Variants in KIF19 observed in about 807,000 individuals in gnomAD.
KIF19 encodes kinesin-like protein KIF19.
KIF19 carries 98 observed loss-of-function variants against 106.6 expected under a neutral mutation model. The ratio of observed to expected loss-of-function variants is 0.92; its 90% CI spans 0.78 to 1.09. KIF19 has a LOEUF of 1.09. KIF19 is among the 50% of genes least tolerant of loss of function. KIF19 has a pLI of 0.00. For missense variants in KIF19, 1,373 were observed against 1,414.3 expected, an observed-to-expected ratio of 0.97 and a Z score of 0.47; for synonymous variants, 516 against 584.2, an observed-to-expected ratio of 0.88 and a Z score of 1.68.
chr17:74,354,871 T>C lies in KIF19; in HGVS notation c.2796T>C (p.Pro932=). ...HRMPVCRHPA[P]GIRHLGKVTL... ...TGCCAGTGTGCAGGCACCCAGCCCC[T>C]GGTATCCGGCATCTGGGAAAGGTCA... The change falls in exon 19 of 20, where the codon CCT becomes CCC. Residue 932 remains proline (P), a synonymous_variant. Transcript: ENST00000389916. 1 of 1,567,046 alleles carries C rather than the reference T, an allele frequency of 6.4e-7. No homozygotes were observed. The highest frequency in any genetic ancestry group is 8.6e-7 in the Non-Finnish European group (1 of 1,156,356).
intron 2 of KIF19, among the ~76,000 whole-genome samples, chr17:74,333,073 G>C (rs1382413494): frequency 6.6e-6 from 1 of 152,234 alleles, no homozygotes; most frequent in Non-Finnish European, 1.5e-5. Flanking sequence ...GCCCAGAAGT[G>C]CTGCGGGAGC....
intron 2 of KIF19, among the ~76,000 whole-genome samples, chr17:74,330,394 A>T (rs566048647): frequency 1.3e-5 from 2 of 152,312 alleles, no homozygotes; most frequent in East Asian, 1.9e-4. Flanking sequence ...AGAGTTTCAT[A>T]GATGTCAGTT....
In KIF19 at chr17:74,352,892, G is replaced by T. The variant is rs969995194; in HGVS notation, c.2052G>T (p.Lys684Asn). The part of the protein sequence containing the change: ...LTPDSDLESV[K>N]TLSSDAQHLQ... The stretch of plus-strand genomic sequence containing the variant: ...CAGATTCTGACCTGGAGAGTGTGAA[G>T]ACATTGAGCTCTGATGCCCAGCACC... Residue 684 changes from lysine (K) to asparagine (N), a missense_variant, in exon 15 of 20, where the codon AAG (lysine) becomes AAT (asparagine). Lys to Asn is a moderately conservative substitution (Grantham distance 94). Transcript: ENST00000389916. The T allele has an allele frequency of 2.5e-6, 4 of 1,613,818 alleles. No individual in the cohort carries two copies. The highest frequency in any genetic ancestry group is 2.7e-5 in the African/African-American group (2 of 74,924).
chr17:74,328,747 T>G, intron 2 of KIF19: 1 of 432,420 alleles, frequency 2.3e-6, no homozygotes, highest in Non-Finnish European at 4.2e-6. Flanking sequence ...CCCTGATCCT[T>G]TACCTTTCAC....
rs572419428 is a variant in KIF19, at chr17:74,350,574, G to A, written c.1387G>A (p.Gly463Ser). 3.3e-5 allele frequency: 54 copies of A among 1,612,654 alleles called. No individual in the cohort carries two copies. Among genetic ancestry groups the A allele is most frequent in the Middle Eastern group, 1.7e-4 (1 of 6,060 alleles). The change falls in exon 11 of 20, where the codon GGC (glycine) becomes AGC (serine). Residue 463 changes from glycine to serine, a missense_variant and splice_region_variant. By Grantham distance (56) the Gly-to-Ser change is moderately conservative (BLOSUM62 0). Around this residue, in one of 3 missense-constraint regions of KIF19, gnomAD observed 1,020 missense variants for 1,008.2 expected, o/e 1.01. Coordinates refer to ENST00000389916, the MANE Select transcript of KIF19 (RefSeq NM_153209.4). ...CTCCCGACACCTGCTCACCATCGCC[G>A]GGTAAGCCCCCCTCCCAGGACCCTC... ...DTSRHLLTIA[G>S]WKHEKSRRAL...
At chr17:74,326,483 C>T (rs898607580) in intron 1 of KIF19, 95 bp downstream of exon 1, 2 of 1,222,210 alleles carry the variant, frequency 1.6e-6, no homozygotes, top group Non-Finnish European at 2.4e-6. Flanking sequence ...CGCCACCCCA[C>T]TGAGAGGACA....
At position 74,326,291 on chromosome 17, in the gene KIF19, G is replaced by A. The variant is rs1490627597; in HGVS notation, c.-59G>A. 1.5e-5 allele frequency: 23 copies of A among 1,532,814 alleles called. No homozygotes were observed. The highest frequency in any genetic ancestry group is 2.5e-5 in the East Asian group (1 of 40,336). 95.0% of individuals were successfully genotyped at this position (1,532,814 alleles called of 1,614,324 possible). ...CTGGCGGACGCGACCCGGAGGCGGT[G>A]GGGGTGCGGCTGAGCCATGCCCGGT... On this transcript the variant is annotated 5_prime_UTR_variant, in exon 1 of 20. Transcript: ENST00000389916.
chr17:74,339,437 C>G (rs1411841885), intron 2 of KIF19, among the ~76,000 whole-genome samples: 2 of 151,084 alleles, frequency 1.3e-5, no homozygotes, highest in Admixed American at 1.3e-4. Flanking sequence ...CTGCCCATGC[C>G]CTACCTCCCT....
At chr17:74,355,155 C>A (rs774745176) in intron 19 of KIF19, 27 bp from the exon 20 acceptor site, 1 of 1,569,198 alleles carries the variant, frequency 6.4e-7, no homozygotes, top group Non-Finnish European at 8.7e-7. Flanking sequence ...TCCGAAACCA[C>A]TGATCCTGCC....
chr17:74,337,295 G>C (rs1394856715), intron 2 of KIF19, among the ~76,000 whole-genome samples: 1 of 143,462 alleles, frequency 7.0e-6, no homozygotes, highest in Non-Finnish European at 1.5e-5. Context: ...AGGCTCAGAG[G>C]ATGTACAGAA....
intron 2 of KIF19, among the ~76,000 whole-genome samples, chr17:74,339,073 G>T (rs2054290105): frequency 1.3e-5 from 2 of 151,926 alleles, no homozygotes; most frequent in Non-Finnish European, 2.9e-5. Context: ...TACCTCCTTG[G>T]ACAGTATCTT....
chr17:74,347,758 A>C lies in KIF19; in HGVS notation c.925-19A>C. On this transcript the variant is annotated intron_variant, in intron 8 of 19. Transcript: ENST00000389916. ...CCTGAGGAGGCAGTCCCCACTGACC[A>C]CAGCCACCTCCCATCCAGGACTCTC... The C allele has an allele frequency of 6.3e-7, 1 of 1,586,296 alleles. No homozygotes were observed. Among genetic ancestry groups the C allele is most frequent in the East Asian group, 2.3e-5 (1 of 43,194 alleles).
chr17:74,350,634 C>T lies in KIF19; in HGVS notation c.1388+59C>T, dbSNP rs563630285. ...CCCCTGTGCCTGGGACAGAGGAGCA[C>T]GACCTGTGGCTGTACAGTGTGCCCT... On this transcript the variant is annotated intron_variant, in intron 11 of 19. Transcript: ENST00000389916. The T allele has an allele frequency of 1.1e-4, 174 of 1,608,506 alleles. No individual in the cohort carries two copies. The South Asian group carries it at 1.2e-3, about 11-fold the overall frequency.
chr17:74,353,530 T>A lies in KIF19; in HGVS notation c.2257T>A (p.Ser753Thr). The A allele has an allele frequency of 6.2e-7, 1 of 1,613,906 alleles. No individual in the cohort carries two copies. Among genetic ancestry groups the A allele is most frequent in the Non-Finnish European group, 8.5e-7 (1 of 1,179,890 alleles). The part of the protein sequence containing the change: ...AQDSLGSWIN[S>T]SPDSSENLSE... ...GGACAGCCTGGGCAGCTGGATCAAC[T>A]CTTCCCCTGACAGCAGTGAGAACCT... The change falls in exon 17 of 20, where the codon TCT (serine) becomes ACT (threonine). Residue 753 changes from serine (S) to threonine (T), a missense_variant. By Grantham distance (58) the Ser-to-Thr change is moderately conservative (BLOSUM62 1). Coordinates refer to ENST00000389916, the MANE Select transcript of KIF19 (RefSeq NM_153209.4).
intron 15 of KIF19, 78 bp downstream of exon 15, chr17:74,353,032 G>A: frequency 2.6e-6 from 4 of 1,559,924 alleles, no homozygotes; most frequent in Non-Finnish European, 3.5e-6. Flanking sequence ...AGGCTAAATG[G>A]GGAACACAGA....
At position 74,344,721 on chromosome 17, in the gene KIF19, C is replaced by T. The variant is rs187861420; in HGVS notation, c.583-40C>T. ...GGGCTCCTCTCTGCCGGAGCACCTA[C>T]GGCAGTCGCTAAGAGCTGCCTCTCC... On this transcript the variant is annotated intron_variant, in intron 6 of 19. Transcript: ENST00000389916. The T allele has an allele frequency of 8.4e-5, 133 of 1,577,672 alleles. No homozygotes were observed. The African/African-American group carries it at 1.3e-3, about 15-fold the overall frequency.
Position 74,352,327 on chromosome 17 carries a change from C to T in KIF19, c.1967C>T (p.Ser656Phe). 6.2e-7 allele frequency: 1 copy of T among 1,609,112 alleles called. No homozygotes were observed. Among genetic ancestry groups the T allele is most frequent in the Non-Finnish European group, 8.5e-7 (1 of 1,178,372 alleles). ...EQATIMDQVA[S>F]RALQDSSLPK... ...GCCACCATCATGGACCAAGTGGCCT[C>T]CAGGGCCCTGCAGGTGGGTGGGCGC... Residue 656 changes from serine (S) to phenylalanine (F), a missense_variant, in exon 14 of 20, where the codon TCC becomes TTC. Ser to Phe is a radical substitution (Grantham distance 155). Around this residue, in one of 3 missense-constraint regions of KIF19, gnomAD observed 1,020 missense variants for 1,008.2 expected, o/e 1.01. Transcript: ENST00000389916.
chr17:74,342,080 C>T (rs745553469), intron 3 of KIF19, 94 bp downstream of exon 3: 1 of 868,428 alleles, frequency 1.2e-6, no homozygotes, highest in African/African-American at 1.7e-5. Context: ...GCCTTTGAAC[C>T]TCAGCCTCCA....
rs535567805 is a variant in KIF19 at position 74,328,274 on chromosome 17, T to C, written c.40-151T>C. The stretch of plus-strand genomic sequence containing the variant: ...GACACAGTCCAACACTCTGTGGACC[T>C]GCTGCCCTCTGACCTAGGTAGAGTT... On this transcript the variant is annotated intron_variant, in intron 1 of 19. Transcript: ENST00000389916. The C allele has an allele frequency of 6.2e-6, 4 of 644,518 alleles. No homozygotes were observed. In the South Asian group the frequency reaches 7.5e-5, roughly 12 times the overall value. 39.9% of individuals were successfully genotyped at this position (644,518 alleles called of 1,614,324 possible).
Sources: allele counts gnomAD v4.1 joint callset (sites outside exome capture counted in the v4.1 genomes callset), GRCh38; gene constraint gnomAD v4.1.1; regional missense constraint gnomAD v4.1.1; transcripts MANE v1.5; gene names NCBI Gene and HGNC (gene_info 2026-07-23, HGNC 2026-07-21).